The following ALDH3A1 variants were observed in gnomAD, a reference collection of about 807,000 sequenced individuals.
The protein encoded by ALDH3A1 is aldehyde dehydrogenase, dimeric NADP-preferring.
A neutral mutation model predicts 49.9 loss-of-function variants in ALDH3A1; 46 were observed. That is an observed-to-expected ratio of 0.92 (90% CI 0.73 to 1.18). ALDH3A1 has a LOEUF of 1.18. ALDH3A1 is among the 50% of genes most tolerant of loss of function. The probability of loss-of-function intolerance (pLI) is 0.00; values close to 1 mark genes in which losing one functional copy is unlikely to be tolerated. For missense variants in ALDH3A1, 592 were observed against 611.8 expected (o/e 0.97, Z 0.34); for synonymous variants, 269 against 253.3 (o/e 1.06, Z -0.59).
chr17:19,742,004 C>T lies in ALDH3A1; in HGVS notation c.689G>A (p.Arg230Gln), dbSNP rs778166358. The change falls in exon 5 of 11, where the codon CGA (arginine) becomes CAA (glutamine). Residue 230 changes from arginine to glutamine, a missense_variant and splice_region_variant. Arg to Gln is a conservative substitution (Grantham distance 43). Coordinates refer to ENST00000225740, the MANE Select transcript of ALDH3A1 (RefSeq NM_000691.5). ...DKNCDLDVACRRIAWGKFMNS... is the reference protein window; with the variant it reads ...DKNCDLDVACQRIAWGKFMNS... ...CAGCCAGCAGGCCCGTGCCTCTCAC[C>T]GGCAGGCCACGTCCAGGTCACAGTT... 32 of 1,613,488 alleles carry T rather than the reference C, an allele frequency of 2.0e-5. No individual in the cohort carries two copies. The highest frequency in any genetic ancestry group is 1.2e-4 in the South Asian group (11 of 91,082).
chr17:19,744,682 G>T, intron 2 of ALDH3A1: 1 of 1,317,068 alleles, frequency 7.6e-7, no homozygotes, highest in South Asian at 1.8e-5. Flanking sequence ...GAATGGGGAG[G>T]ACCAGAAGTT....
At position 19,742,641 on chromosome 17, in the gene ALDH3A1, C is replaced by G; in HGVS notation, c.395-11G>C. On this transcript the variant is annotated splice_polypyrimidine_tract_variant and intron_variant, in intron 3 of 10. Transcript: ENST00000225740. Reference sequence around the variant, plus strand: ...GGACCACTGAGTTCCCTGCAGAGCACACCGAGCCAGGCCTATGCCCAGGGT... The same window carrying G: ...GGACCACTGAGTTCCCTGCAGAGCAGACCGAGCCAGGCCTATGCCCAGGGT... The G allele has an allele frequency of 6.2e-7, 1 of 1,613,874 alleles. No homozygotes were observed. The highest frequency in any genetic ancestry group is 8.5e-7 in the Non-Finnish European group (1 of 1,180,002).
At chr17:19,741,967 T>A (rs767437574) in intron 5 of ALDH3A1, 37 bp downstream of exon 5, 1 of 1,598,630 alleles carries the variant, frequency 6.3e-7, no homozygotes, top group Admixed American at 1.7e-5. Flanking sequence ...GAAAGCAGAG[T>A]AAGGACTGCT....
intron 2 of ALDH3A1, chr17:19,744,283 G>T (rs2086557015): frequency 1.5e-6 from 1 of 649,494 alleles, no homozygotes; most frequent in Non-Finnish European, 1.9e-6. Context: ...CACGCCTGTT[G>T]TCCCAGCTAC....
In ALDH3A1 at chr17:19,744,443, G is replaced by C. The variant is rs114457153; in HGVS notation, c.162+525C>G. The C allele has an allele frequency of 7.7e-4, 757 of 985,304 alleles. 6 individuals carry two copies. In the African/African-American group the frequency reaches 0.012, roughly 16 times the overall value. The allele number at this position is 985,304 out of a possible 1,614,324, so 61.0% of individuals were successfully genotyped here. A position where few individuals can be genotyped will look rare whatever the true frequency, so the allele number is the denominator to read the frequency against. On this transcript the variant is annotated intron_variant, in intron 2 of 10. Coordinates refer to ENST00000225740, the MANE Select transcript of ALDH3A1 (RefSeq NM_000691.5). ...ATAAAATAAAAATAAAAGTGCAGGA[G>C]CAAAGAGGGTAGTCGGTGGGAGGAT... is the stretch of plus-strand genomic sequence containing the variant.
rs549169871 is a variant in ALDH3A1, at chr17:19,739,699, T to C, written c.950-25A>G. 3.1e-6 allele frequency: 5 copies of C among 1,611,998 alleles called. No homozygotes were observed. In the African/African-American group the frequency reaches 6.7e-5, roughly 21 times the overall value. ...GCTGAGGCAGGAAACAAGCCAGAGT[T>C]GGACGGCGCAGAGACCCCCACGCGG... On this transcript the variant is annotated intron_variant, in intron 7 of 10. Coordinates refer to ENST00000225740, the MANE Select transcript of ALDH3A1 (RefSeq NM_000691.5).
At chr17:19,741,898 G>C in intron 5 of ALDH3A1, 106 bp downstream of exon 5, 2 of 1,116,016 alleles carry the variant, frequency 1.8e-6, no homozygotes, top group South Asian at 2.9e-5. Flanking sequence ...CCATGAGGCA[G>C]GGGGTGTCTG....
rs773739072 is a variant in ALDH3A1 at position 19,741,183 on chromosome 17, G to A, written c.717C>T (p.Asn239=). The change falls in exon 6 of 11, where the codon AAC becomes AAT. Residue 239 remains asparagine (N), a synonymous_variant. Coordinates refer to ENST00000225740, the MANE Select transcript of ALDH3A1 (RefSeq NM_000691.5). ...CRRIAWGKFM[N]SGQTCVAPDY... ...CAGGGGCCACGCAGGTCTGGCCACT[G>A]TTCATGAATTTCCCCCAGGCGATGC... The A allele has an allele frequency of 3.7e-6, 6 of 1,613,908 alleles. No homozygotes were observed. The East Asian group carries it at 8.9e-5, about 24-fold the overall frequency.
intron 1 of ALDH3A1, among the ~76,000 whole-genome samples, chr17:19,746,056 AC>A: frequency 6.6e-6 from 1 of 152,296 alleles, no homozygotes; most frequent in East Asian, 1.9e-4. Flanking sequence ...CTCTCTCTGC[AC>A]CAGGGGTGTC....
rs762937288 is a variant in ALDH3A1, at chr17:19,738,138, C to A, written c.*83G>T. The A allele has an allele frequency of 1.3e-5, 21 of 1,609,122 alleles. No individual in the cohort carries two copies. Among genetic ancestry groups the A allele is most frequent in the Non-Finnish European group, 1.8e-5 (21 of 1,179,874 alleles). On this transcript the variant is annotated 3_prime_UTR_variant, in exon 11 of 11. Coordinates refer to ENST00000225740, the MANE Select transcript of ALDH3A1 (RefSeq NM_000691.5). Reference sequence around the variant, plus strand: ...CTGGGCTGGGGCTGCAGGAGCGATTCTCCCAGGGCCAGGAGAGCCAGTGAG... The same window carrying A: ...CTGGGCTGGGGCTGCAGGAGCGATTATCCCAGGGCCAGGAGAGCCAGTGAG...
chr17:19,743,239 G>A lies in ALDH3A1; in HGVS notation c.387C>T (p.Ile129=), dbSNP rs150970681. Residue 129 remains isoleucine, a synonymous_variant, in exon 3 of 11, where the codon ATC becomes ATT. Transcript: ENST00000225740. The surrounding 1 kb of genome is among the most constrained non-coding windows in gnomAD (Gnocchi z 4.4). ...NLTIQPMVGA[I]AAGNSVVLKP... The stretch of plus-strand genomic sequence containing the variant: ...TCCCACAGGGCCATGCACCTGCAGC[G>A]ATGGCGCCCACCATGGGCTGGATGG... 1.1e-3 allele frequency: 1,851 copies of A among 1,613,668 alleles called. 2 individuals are homozygous for A. The highest frequency in any genetic ancestry group is 1.4e-3 in the Non-Finnish European group (1,671 of 1,179,904).
chr17:19,739,540 G>C lies in ALDH3A1; in HGVS notation c.1084C>G (p.Leu362Val), dbSNP rs766289222. The C allele has an allele frequency of 6.2e-7, 1 of 1,612,770 alleles. No individual in the cohort carries two copies. The highest frequency in any genetic ancestry group is 1.1e-5 in the South Asian group (1 of 90,508). Reference protein sequence around the residue: ...IQFINQREKPLALYMFSSNDK... With the variant: ...IQFINQREKPVALYMFSSNDK... ...TTGCTGGAGAACATGTAGAGGGCCA[G>C]GGGCTTCTCACGCTGGTTGATGAAC... The change falls in exon 8 of 11, where the codon CTG (leucine) becomes GTG (valine). Residue 362 changes from leucine to valine, a missense_variant. By Grantham distance (32) the Leu-to-Val change is conservative. Transcript: ENST00000225740.
chr17:19,738,906 C>T (rs754546837), intron 9 of ALDH3A1, 90 bp downstream of exon 9: 4 of 1,178,102 alleles, frequency 3.4e-6, no homozygotes, highest in Non-Finnish European at 4.9e-6. Flanking sequence ...GCCGCCCGGG[C>T]TGCAGGAGGT....
intron 6 of ALDH3A1, among the ~76,000 whole-genome samples, chr17:19,740,846 T>G (rs1357398675): frequency 6.6e-6 from 1 of 152,152 alleles, no homozygotes; most frequent in African/African-American, 2.4e-5. Context: ...AAACATATTT[T>G]GTAAAGATGG....
chr17:19,738,087 G>A lies in ALDH3A1; in HGVS notation c.*134C>T, dbSNP rs749898582. 3.8e-6 allele frequency: 6 copies of A among 1,581,556 alleles called. No homozygotes were observed. Among genetic ancestry groups the A allele is most frequent in the Admixed American group, 3.5e-5 (2 of 56,694 alleles). On this transcript the variant is annotated 3_prime_UTR_variant, in exon 11 of 11. Transcript: ENST00000225740. ...CCATGTGGGAGTGGGGTGTGCACAGGTCAGCAGGTCAGCAGAGGAGTGGGG... is the reference window on the plus strand; with the variant it reads ...CCATGTGGGAGTGGGGTGTGCACAGATCAGCAGGTCAGCAGAGGAGTGGGG...
Position 19,743,404 on chromosome 17 carries a change from C to A in ALDH3A1, c.222G>T (p.Met74Ile), listed in dbSNP as rs1483350365. The change falls in exon 3 of 11, where the codon ATG becomes ATT. Residue 74 changes from methionine (M) to isoleucine (I), a missense_variant. Coordinates refer to ENST00000225740, the MANE Select transcript of ALDH3A1 (RefSeq NM_000691.5). This position sits in a 1 kb window ranked among gnomAD's most constrained non-coding sequence, Gnocchi z 4.4. ...VVYVLEEIEY[M>I]IQKLPEWAAD... ...CGGCCCACTCAGGGAGCTTCTGGAT[C>A]ATGTACTCGATCTCCTCTAGGACGT... The A allele has an allele frequency of 1.2e-6, 2 of 1,613,974 alleles. No individual in the cohort carries two copies. Among genetic ancestry groups the A allele is most frequent in the African/African-American group, 1.3e-5 (1 of 74,926 alleles).
chr17:19,741,046 G>T, intron 6 of ALDH3A1, 47 bp downstream of exon 6: 1 of 1,462,094 alleles, frequency 6.8e-7, no homozygotes, highest in Non-Finnish European at 9.6e-7. Flanking sequence ...GGCCCCCCTT[G>T]TGCCTTACAG....
intron 5 of ALDH3A1, 142 bp from the exon 6 acceptor site, chr17:19,741,352 C>T (rs560665215): frequency 2.1e-4 from 136 of 657,842 alleles, no homozygotes; most frequent in Admixed American, 1.6e-3. Flanking sequence ...GGTCTGCTCA[C>T]TTCTAGACAC....
rs1398379735 is a variant in ALDH3A1 at position 19,739,054 on chromosome 17, C to A, written c.1158G>T (p.Val386=). The A allele has an allele frequency of 6.2e-7, 1 of 1,614,000 alleles. No homozygotes were observed. Among genetic ancestry groups the A allele is most frequent in the East Asian group, 2.2e-5 (1 of 44,880 alleles). The change falls in exon 9 of 11, where the codon GTG becomes GTT. Residue 386 remains valine (V), a synonymous_variant. Transcript: ENST00000225740. ...TGTGGACGATGACATCGTTGGCCGC[C>A]ACCCCACCACTGGATGTCTCTGCAA... ...KMIAETSSGG[V]AANDVIVHIT...
Sources: gnomAD v4.1 joint callset for allele counts (sites outside exome capture counted in the v4.1 genomes callset) on GRCh38, gnomAD v4.1.1 for gene constraint, Gnocchi (gnomAD v3.1) non-coding constraint, MANE v1.5 for transcripts, NCBI Gene and HGNC (gene_info 2026-07-23, HGNC 2026-07-21) for gene names.